Variants in EXT2 observed in about 807,000 individuals in gnomAD.
EXT2 encodes exostosin-2.
In EXT2, 53 loss-of-function variants were observed where a neutral mutation model predicts 81.6. The ratio of observed to expected loss-of-function variants is 0.65; its 90% CI spans 0.52 to 0.82. The LOEUF (loss-of-function observed/expected upper bound fraction) is 0.82, where lower values mean the gene tolerates loss of function less well. EXT2 is among the 40% of genes least tolerant of loss of function. EXT2 has a pLI of 0.00. For synonymous variants in EXT2, 320 were observed against 340.0 expected (o/e 0.94, Z 0.65); for missense variants, 774 against 910.2 (o/e 0.85, Z 1.93).
chr11:44,224,712 G>A (rs2135244303), intron 10 of EXT2, among the ~76,000 whole-genome samples: 1 of 152,292 alleles, frequency 6.6e-6, no homozygotes, highest in Middle Eastern at 3.4e-3. Context: ...CCTTTGCACA[G>A]TAATAAGAAA....
chr11:44,148,455 T>C (rs1046484541), intron 7 of EXT2, among the ~76,000 whole-genome samples: 7 of 152,126 alleles, frequency 4.6e-5, no homozygotes, highest in African/African-American at 1.7e-4. Context: ...ATTGATTCCT[T>C]TAGGAATCTG....
At chr11:44,152,995 C>G (rs1954812710) in intron 7 of EXT2, among the ~76,000 whole-genome samples, 1 of 152,142 alleles carries the variant, frequency 6.6e-6, no homozygotes, top group Admixed American at 6.5e-5. Flanking sequence ...ATTGAGTTGC[C>G]TATTCTGGAT....
chr11:44,227,897 G>T (rs1205856291), intron 10 of EXT2, among the ~76,000 whole-genome samples: 1 of 152,144 alleles, frequency 6.6e-6, no homozygotes, highest in African/African-American at 2.4e-5. Context: ...CAGCATAAAG[G>T]TTGGGTTAAT....
intron 1 of EXT2, among the ~76,000 whole-genome samples, chr11:44,107,222 A>G (rs1478902452): frequency 6.6e-6 from 1 of 152,020 alleles, no homozygotes; most frequent in East Asian, 1.9e-4. Context: ...CTAGATATAT[A>G]TTTCTAAATG....
intron 13 of EXT2, among the ~76,000 whole-genome samples, chr11:44,239,919 T>C (rs1259034135): frequency 6.6e-6 from 1 of 152,142 alleles, no homozygotes; most frequent in Non-Finnish European, 1.5e-5. Flanking sequence ...AAGTCCATTA[T>C]ATAAAATGGC....
At chr11:44,158,534 T>C (rs1954885806) in intron 7 of EXT2, among the ~76,000 whole-genome samples, 1 of 150,968 alleles carries the variant, frequency 6.6e-6, no homozygotes, top group Admixed American at 6.6e-5. Context: ...AAATTTTTAA[T>C]TTTTAATAAA....
intron 10 of EXT2, among the ~76,000 whole-genome samples, chr11:44,211,960 T>A (rs1274204811): frequency 6.6e-6 from 1 of 152,160 alleles, no homozygotes; most frequent in Non-Finnish European, 1.5e-5. Flanking sequence ...AAAGGTAGAC[T>A]GAGCAAAAAT....
At chr11:44,174,020 A>G (rs1955119917) in intron 8 of EXT2, among the ~76,000 whole-genome samples, 1 of 152,224 alleles carries the variant, frequency 6.6e-6, no homozygotes, top group Non-Finnish European at 1.5e-5. Flanking sequence ...TTGCCCTTTC[A>G]AAAGACTATA....
chr11:44,250,136 C>G lies in EXT2; in HGVS notation c.*5849C>G, dbSNP rs1956127382. 6.6e-6 allele frequency among the ~76,000 whole-genome samples: 1 copy of G among 152,206 alleles called. No homozygotes were observed. The highest frequency in any genetic ancestry group is 2.4e-5 in the African/African-American group (1 of 41,454). On this transcript the variant is annotated 3_prime_UTR_variant, in exon 14 of 14. Coordinates refer to ENST00000533608, the MANE Select transcript of EXT2 (RefSeq NM_207122.2). ...CAAGAGATATAGCAATTAGAGTTGACTAAGACAGTGTCCCTATCCTGTTCT... is the reference window on the plus strand; with the variant it reads ...CAAGAGATATAGCAATTAGAGTTGAGTAAGACAGTGTCCCTATCCTGTTCT...
chr11:44,130,119 T>A lies in EXT2; in HGVS notation c.1154T>A (p.Ile385Asn). Residue 385 changes from isoleucine to asparagine, a missense_variant, in exon 7 of 14, where the codon ATT becomes AAT. This residue lies in a region of EXT2 where 626 missense variants were observed against 670.5 expected (regional missense o/e 0.93). Coordinates refer to ENST00000533608, the MANE Select transcript of EXT2 (RefSeq NM_207122.2). ...TTGCAGAGCATCCCCCAAAGACAGA[T>A]TGAAGAAATGCAGAGACAGGTAAGA... ...SILQSIPQRQ[I>N]EEMQRQARWF... The A allele has an allele frequency of 6.2e-7, 1 of 1,613,878 alleles. No homozygotes were observed. The highest frequency in any genetic ancestry group is 8.5e-7 in the Non-Finnish European group (1 of 1,179,944).
rs984203868 is a variant in EXT2, at chr11:44,220,420, C to T, written c.1663-11933C>T. On this transcript the variant is annotated intron_variant, in intron 10 of 13. Coordinates refer to ENST00000533608, the MANE Select transcript of EXT2 (RefSeq NM_207122.2). This position sits in a 1 kb window ranked among gnomAD's most constrained non-coding sequence, Gnocchi z 4.4. The stretch of plus-strand genomic sequence containing the variant: ...AGTATTGAAAAGAGCATATCTCTGT[C>T]TGTTACCTCCATTTTTCACTTTTTG... 1.3e-5 allele frequency among the ~76,000 whole-genome samples: 2 copies of T among 152,142 alleles called. No individual in the cohort carries two copies. Among genetic ancestry groups the T allele is most frequent in the Non-Finnish European group, 2.9e-5 (2 of 68,036 alleles).
chr11:44,107,345 A>G (rs1954069246), intron 1 of EXT2, among the ~76,000 whole-genome samples: 1 of 152,144 alleles, frequency 6.6e-6, no homozygotes, highest in African/African-American at 2.4e-5. Context: ...CTATGATCCT[A>G]GCATTTTGGG....
At chr11:44,207,060 G>A in intron 10 of EXT2, 101 bp downstream of exon 10, 1 of 1,385,932 alleles carries the variant, frequency 7.2e-7, no homozygotes, top group Non-Finnish European at 1.0e-6. Context: ...TTAAAAGTCA[G>A]AGTTTCTAAA....
At chr11:44,107,375 G>C (rs1954069489) in intron 1 of EXT2, among the ~76,000 whole-genome samples, 1 of 152,074 alleles carries the variant, frequency 6.6e-6, no homozygotes, top group Non-Finnish European at 1.5e-5. Context: ...CAGGCTGATA[G>C]ATTGAGCTCA....
intron 7 of EXT2, among the ~76,000 whole-genome samples, chr11:44,142,104 T>C (rs1042144359): frequency 6.6e-5 from 10 of 152,246 alleles, no homozygotes; most frequent in African/African-American, 2.2e-4. Flanking sequence ...ATGGCTAACA[T>C]GCTACAAATA....
At chr11:44,201,748 A>G (rs1955524596) in intron 9 of EXT2, among the ~76,000 whole-genome samples, 1 of 152,150 alleles carries the variant, frequency 6.6e-6, no homozygotes, top group Admixed American at 6.5e-5. Context: ...TCTTTTTCAC[A>G]TATGTTTTTC....
chr11:44,101,442 A>G (rs11606372), intron 1 of EXT2, among the ~76,000 whole-genome samples: 40,415 of 152,160 alleles, frequency 0.27, 6,341 homozygotes, highest in Admixed American at 0.44. Flanking sequence ...GCCACCTCCA[A>G]TGTACAGAAT....
intron 10 of EXT2, among the ~76,000 whole-genome samples, chr11:44,231,577 C>T (rs1012372863): frequency 6.6e-6 from 1 of 152,050 alleles, no homozygotes; most frequent in Non-Finnish European, 1.5e-5. Context: ...AGCCTAGGAC[C>T]GAATTCTCAG....
intron 8 of EXT2, among the ~76,000 whole-genome samples, chr11:44,174,049 A>G (rs936016526): frequency 3.5e-4 from 54 of 152,206 alleles, no homozygotes; most frequent in African/African-American, 1.3e-3. Context: ...TAGTTTCACA[A>G]ATAACATTTG....
Sources: gnomAD v4.1 joint callset for allele counts (sites outside exome capture counted in the v4.1 genomes callset) on GRCh38, gnomAD v4.1.1 for gene constraint, gnomAD v4.1.1 regional missense constraint, Gnocchi (gnomAD v3.1) non-coding constraint, MANE v1.5 for transcripts, NCBI Gene and HGNC (gene_info 2026-07-23, HGNC 2026-07-21) for gene names.